The following LRMDA variants were observed in gnomAD, a reference collection of about 807,000 sequenced individuals.
LRMDA encodes leucine rich melanocyte differentiation associated.
In LRMDA, 18 loss-of-function variants were observed where a neutral mutation model predicts 29.8. That is an observed-to-expected ratio of 0.60 (90% CI 0.42 to 0.90). The LOEUF is 0.90. LRMDA is among the 40% of genes least tolerant of loss of function. LRMDA has a pLI of 0.00. For synonymous variants in LRMDA, 125 were observed against 109.4 expected (o/e 1.14, Z -0.89); for missense variants, 273 against 273.9 (o/e 1.00, Z 0.02).
intron 5 of LRMDA, among the ~76,000 whole-genome samples, chr10:76,291,210 C>A (rs966381810): frequency 6.6e-6 from 1 of 152,160 alleles, no homozygotes; most frequent in Non-Finnish European, 1.5e-5. Context: ...GCTGTCTTCA[C>A]CCTCCCTCCT....
chr10:76,536,513 A>C (rs1843292879), intron 6 of LRMDA, among the ~76,000 whole-genome samples: 1 of 152,180 alleles, frequency 6.6e-6, no homozygotes, highest in East Asian at 1.9e-4. Flanking sequence ...CGATTGATCT[A>C]GAGCATGTTC....
At chr10:76,168,773 C>T (rs1189404929) in intron 5 of LRMDA, among the ~76,000 whole-genome samples, 4 of 152,156 alleles carry the variant, frequency 2.6e-5, no homozygotes, top group Non-Finnish European at 2.9e-5. Context: ...GTTGTCAGAT[C>T]TATTTCCATA....
At chr10:76,160,620 A>G (rs1297546576) in intron 5 of LRMDA, among the ~76,000 whole-genome samples, 2 of 152,132 alleles carry the variant, frequency 1.3e-5, no homozygotes, top group Admixed American at 1.3e-4. Context: ...TGTAGTCTCT[A>G]TACTTACAAT....
At chr10:75,594,050 T>A (rs939811072) in intron 2 of LRMDA, among the ~76,000 whole-genome samples, 1 of 152,234 alleles carries the variant, frequency 6.6e-6, no homozygotes, top group Non-Finnish European at 1.5e-5. Flanking sequence ...GTTGGTCCTT[T>A]TGTCCCAGTA....
chr10:75,690,977 AAAT>A (rs1294405279), intron 2 of LRMDA, among the ~76,000 whole-genome samples: 20 of 96,176 alleles, frequency 2.1e-4, no homozygotes, highest in African/African-American at 9.5e-4. Context: ...CTTAAAAAAA[AAAT>A]ATATATATAT....
chr10:76,439,486 C>T (rs905543006), intron 6 of LRMDA, among the ~76,000 whole-genome samples: 3 of 152,162 alleles, frequency 2.0e-5, no homozygotes, highest in African/African-American at 7.2e-5. Context: ...CTGCTTGATC[C>T]TTAGCAGGGA....
At chr10:76,405,334 C>A (rs1403450064) in intron 6 of LRMDA, among the ~76,000 whole-genome samples, 4 of 152,138 alleles carry the variant, frequency 2.6e-5, no homozygotes, top group African/African-American at 9.7e-5. Context: ...TCCTTTTGTA[C>A]CTGAGGCCAG....
chr10:75,873,586 G>T (rs1041200010), intron 2 of LRMDA, among the ~76,000 whole-genome samples: 3 of 152,150 alleles, frequency 2.0e-5, no homozygotes, highest in Admixed American at 6.5e-5. Flanking sequence ...GGGTTACTTT[G>T]TCAGAATCAC....
At position 76,238,030 on chromosome 10, in the gene LRMDA, A is replaced by T. The variant is rs535006157; in HGVS notation, c.517-86371A>T. Among the ~76,000 whole-genome samples the T allele has an allele frequency of 2.0e-4, 31 of 152,050 alleles. No individual in the cohort carries two copies. In the South Asian group the frequency reaches 6.2e-3, roughly 31 times the overall value. On this transcript the variant is annotated intron_variant, in intron 5 of 6. Coordinates refer to ENST00000611255, the MANE Select transcript of LRMDA (RefSeq NM_001305581.2). ...GGTCTTGAACTCCTGACCTCAGGTG[A>T]TCCACCCTCCTTGGCCTCCCAAACT...
chr10:76,172,726 C>T (rs1157289208), intron 5 of LRMDA, among the ~76,000 whole-genome samples: 1 of 152,152 alleles, frequency 6.6e-6, no homozygotes, highest in Non-Finnish European at 1.5e-5. Flanking sequence ...ATCCAGTAGA[C>T]TACTCAGGAG....
chr10:75,541,106 C>A (rs1840010270), intron 2 of LRMDA, among the ~76,000 whole-genome samples: 1 of 152,146 alleles, frequency 6.6e-6, no homozygotes, highest in South Asian at 2.1e-4. Flanking sequence ...ATAGCCTAGG[C>A]AACCGCAGCA....
At chr10:75,994,451 A>G (rs1326881171) in intron 2 of LRMDA, among the ~76,000 whole-genome samples, 1 of 152,204 alleles carries the variant, frequency 6.6e-6, no homozygotes, top group Non-Finnish European at 1.5e-5. Flanking sequence ...ACTCTTCCAG[A>G]TGGAAGGTGA....
chr10:75,604,231 G>C (rs1840926017), intron 2 of LRMDA, among the ~76,000 whole-genome samples: 1 of 152,012 alleles, frequency 6.6e-6, no homozygotes, highest in South Asian at 2.1e-4. Context: ...TCTTAGAAAA[G>C]GTTCATATTT....
At chr10:76,359,326 A>C (rs1041518086) in intron 6 of LRMDA, among the ~76,000 whole-genome samples, 3 of 152,198 alleles carry the variant, frequency 2.0e-5, no homozygotes, top group African/African-American at 7.2e-5. Flanking sequence ...ATAGGAGAAG[A>C]CCCTTGGTAG....
At chr10:76,377,435 G>C (rs1053876052) in intron 6 of LRMDA, among the ~76,000 whole-genome samples, 1 of 152,130 alleles carries the variant, frequency 6.6e-6, no homozygotes, top group Non-Finnish European at 1.5e-5. Flanking sequence ...TGTTGCATTT[G>C]ATTTGGGGCT....
chr10:75,493,239 G>A (rs901620471), intron 2 of LRMDA, among the ~76,000 whole-genome samples: 2 of 151,980 alleles, frequency 1.3e-5, no homozygotes, highest in Non-Finnish European at 2.9e-5. Context: ...TTCCCTTCCT[G>A]GATATCCTTG....
At chr10:75,632,825 C>G (rs923681413) in intron 2 of LRMDA, among the ~76,000 whole-genome samples, 1 of 130,218 alleles carries the variant, frequency 7.7e-6, no homozygotes, top group African/African-American at 3.0e-5. Context: ...GAGTCTTTCC[C>G]CCAGTGTTCA....
intron 2 of LRMDA, among the ~76,000 whole-genome samples, chr10:75,835,511 A>G (rs1844418304): frequency 6.6e-6 from 1 of 152,162 alleles, no homozygotes; most frequent in East Asian, 1.9e-4. Flanking sequence ...ATTCATGGAC[A>G]TATTTGGGGT....
At chr10:75,536,962 C>T (rs149193731) in intron 2 of LRMDA, among the ~76,000 whole-genome samples, 77 of 152,152 alleles carry the variant, frequency 5.1e-4, no homozygotes, top group African/African-American at 1.4e-3. Flanking sequence ...TACCACCCAT[C>T]GTATGCTGGA....
Sources: allele counts gnomAD v4.1 joint callset (sites outside exome capture counted in the v4.1 genomes callset), GRCh38; gene constraint gnomAD v4.1.1; transcripts MANE v1.5; gene names NCBI Gene and HGNC (gene_info 2026-07-23, HGNC 2026-07-21).